TBC1D24: variants seen among roughly 807,000 people sequenced by gnomAD.
TBC1D24 encodes the protein TBC1 domain family member 24, also known as Infantile myoclonic epilepsy.
In TBC1D24, 47 loss-of-function variants were observed where a neutral mutation model predicts 50.7. That is an observed-to-expected ratio of 0.93 (90% confidence interval 0.73 to 1.18). TBC1D24 has a LOEUF of 1.18. TBC1D24 is among the 50% of genes most tolerant of loss of function. The pLI is 0.00. For synonymous variants in TBC1D24, 324 were observed against 335.2 expected (o/e 0.97, Z 0.36); for missense variants, 688 against 766.5 (o/e 0.90, Z 1.21).
Position 2,496,411 on chromosome 16 carries a change from G to T in TBC1D24, c.263G>T (p.Ser88Ile). 1 of 1,612,958 alleles carries T rather than the reference G, an allele frequency of 6.2e-7. No homozygotes were observed. ...VGKIVGKHSS[S>I]CLPLPEFVDN... ...AAGATCGTGGGCAAGCACAGCAGCA[G>T]CTGCCTGCCGCTGCCCGAGTTCGTG... Residue 88 changes from serine to isoleucine, a missense_variant, in exon 2 of 8, where the codon AGC becomes ATC. Coordinates refer to ENST00000646147, the MANE Select transcript of TBC1D24 (RefSeq NM_001199107.2).
In TBC1D24 at chr16:2,486,273, C is replaced by A. The variant is rs1023535348; in HGVS notation, c.-115-9761C>A. Among the ~76,000 whole-genome samples the A allele has an allele frequency of 6.6e-6, 1 of 152,210 alleles. No homozygotes were observed. Among genetic ancestry groups the A allele is most frequent in the East Asian group, 1.9e-4 (1 of 5,194 alleles). The stretch of plus-strand genomic sequence containing the variant: ...CCTTCCTGTGGTCCCTAGCTGCGGG[C>A]GTTGGCGTTCCCCACCCATGGGGCC... On this transcript the variant is annotated intron_variant, in intron 1 of 7. Coordinates refer to ENST00000646147, the MANE Select transcript of TBC1D24 (RefSeq NM_001199107.2). This position sits in a 1 kb window ranked among gnomAD's most constrained non-coding sequence, Gnocchi z 5.8.
chr16:2,490,876 G>A (rs1391235487), intron 1 of TBC1D24, among the ~76,000 whole-genome samples: 1 of 152,200 alleles, frequency 6.6e-6, no homozygotes, highest in East Asian at 1.9e-4. Flanking sequence ...CCTTTGTCAG[G>A]GGTTGGGGGA....
intron 1 of TBC1D24, among the ~76,000 whole-genome samples, chr16:2,489,529 C>T (rs1026051050): frequency 8.5e-5 from 13 of 152,168 alleles, no homozygotes; most frequent in African/African-American, 2.2e-4. Flanking sequence ...CTCAAACAGG[C>T]GTGGCGTTTA....
chr16:2,490,052 C>T (rs924613217), intron 1 of TBC1D24, among the ~76,000 whole-genome samples: 12 of 152,184 alleles, frequency 7.9e-5, no homozygotes, highest in Non-Finnish European at 1.5e-4. Flanking sequence ...TCAGCAATCC[C>T]GGCTGCTTCT....
intron 1 of TBC1D24, among the ~76,000 whole-genome samples, chr16:2,492,309 G>A (rs2065702047): frequency 2.0e-5 from 3 of 152,194 alleles, no homozygotes; most frequent in South Asian, 4.2e-4. Context: ...AGTCCAGCAC[G>A]TCGCCGGACC....
rs1009561900 is a variant in TBC1D24, at chr16:2,486,686, C to T, written c.-115-9348C>T. Among the ~76,000 whole-genome samples the T allele has an allele frequency of 1.3e-5, 2 of 152,222 alleles. No homozygotes were observed. Among genetic ancestry groups the T allele is most frequent in the African/African-American group, 4.8e-5 (2 of 41,456 alleles). ...TGGGAGTGCCTTCTGTGCTGTGGGC[C>T]TCATCCCCAGGGCTCTACCTCCAGC... On this transcript the variant is annotated intron_variant, in intron 1 of 7. Coordinates refer to ENST00000646147, the MANE Select transcript of TBC1D24 (RefSeq NM_001199107.2). This position sits in a 1 kb window ranked among gnomAD's most constrained non-coding sequence, Gnocchi z 5.8.
In TBC1D24 at chr16:2,483,323, T is replaced by A. The variant is rs961962047; in HGVS notation, c.-116+8153T>A. 1.3e-5 allele frequency: 2 copies of A among 152,200 alleles called. No homozygotes were observed. Among genetic ancestry groups the A allele is most frequent in the African/African-American group, 4.8e-5 (2 of 41,414 alleles). 9.4% of individuals were successfully genotyped at this position (152,200 alleles called of 1,614,324 possible). A position where few individuals can be genotyped will look rare whatever the true frequency, so the allele number is the denominator to read the frequency against. Reference sequence around the variant, plus strand: ...GACTTCTCCCTCTCCCCTCGGCCGTTCTCGTGCCTCGGGCTCACTTCCTCG... The same window carrying A: ...GACTTCTCCCTCTCCCCTCGGCCGTACTCGTGCCTCGGGCTCACTTCCTCG... On this transcript the variant is annotated intron_variant, in intron 1 of 7. Coordinates refer to ENST00000646147, the MANE Select transcript of TBC1D24 (RefSeq NM_001199107.2). This position sits in a 1 kb window ranked among gnomAD's most constrained non-coding sequence, Gnocchi z 4.0.
In TBC1D24 at chr16:2,496,572, C is replaced by G. The variant is rs1343180634; in HGVS notation, c.424C>G (p.Leu142Val). 3 of 1,609,032 alleles carry G rather than the reference C, an allele frequency of 1.9e-6. No individual in the cohort carries two copies. The highest frequency in any genetic ancestry group is 1.7e-5 in the Admixed American group (1 of 59,992). The change falls in exon 2 of 8, where the codon CTG becomes GTG. Residue 142 changes from leucine (L) to valine (V), a missense_variant. Coordinates refer to ENST00000646147, the MANE Select transcript of TBC1D24 (RefSeq NM_001199107.2). The stretch of plus-strand genomic sequence containing the variant: ...CCTGCCGGCCGTGGTGGCCCTGCTG[C>G]TGCACTACAGCATCGACGAGGCCGA... Reference protein sequence around the residue: ...PALPAVVALLLHYSIDEAECF... With the variant: ...PALPAVVALLVHYSIDEAECF...
At position 2,487,816 on chromosome 16, in the gene TBC1D24, G is replaced by A. The variant is rs548393115; in HGVS notation, c.-115-8218G>A. Among the ~76,000 whole-genome samples the A allele has an allele frequency of 3.9e-5, 6 of 152,260 alleles. No homozygotes were observed. The highest frequency in any genetic ancestry group is 2.1e-4 in the South Asian group (1 of 4,826). ...GAGGGCCCTGGTACTAGAAGTGGCCGAGTGCCCTGAAGTCCCAGACCTGCG... is the reference window on the plus strand; with the variant it reads ...GAGGGCCCTGGTACTAGAAGTGGCCAAGTGCCCTGAAGTCCCAGACCTGCG... On this transcript the variant is annotated intron_variant, in intron 1 of 7. Coordinates refer to ENST00000646147, the MANE Select transcript of TBC1D24 (RefSeq NM_001199107.2). This position sits in a 1 kb window ranked among gnomAD's most constrained non-coding sequence, Gnocchi z 4.1.
chr16:2,496,328 G>A lies in TBC1D24; in HGVS notation c.180G>A (p.Arg60=). The A allele has an allele frequency of 6.2e-7, 1 of 1,613,652 alleles. No homozygotes were observed. Among genetic ancestry groups the A allele is most frequent in the Non-Finnish European group, 8.5e-7 (1 of 1,180,042 alleles). Residue 60 remains arginine, a synonymous_variant, in exon 2 of 8, where the codon CGG becomes CGA. Coordinates refer to ENST00000646147, the MANE Select transcript of TBC1D24 (RefSeq NM_001199107.2). ...LRGKVYQRLI[R]DIPCRTVTPD... is the part of the protein sequence containing the mutation. ...GAAAGGTGTACCAGCGCCTGATCCG[G>A]GACATTCCCTGCCGCACGGTCACGC...
Position 2,503,884 on chromosome 16 carries a change from C to T in TBC1D24, c.*2926C>T, listed in dbSNP as rs898272411. ...CTATTTTTTAATTTTTTTGAATAGA[C>T]CACTTTGTGCTGAATAAATGTTTAA... On this transcript the variant is annotated 3_prime_UTR_variant, in exon 8 of 8. Coordinates refer to ENST00000646147, the MANE Select transcript of TBC1D24 (RefSeq NM_001199107.2). 1 of 151,972 alleles carries T rather than the reference C, an allele frequency of 6.6e-6. No homozygotes were observed. The highest frequency in any genetic ancestry group is 1.5e-5 in the Non-Finnish European group (1 of 68,004). The allele number at this position is 151,972 out of a possible 1,614,324, so 9.4% of individuals were successfully genotyped here. A position where few individuals can be genotyped will look rare whatever the true frequency, so the allele number is the denominator to read the frequency against.
chr16:2,491,586 A>C, intron 1 of TBC1D24, among the ~76,000 whole-genome samples: 1 of 134,784 alleles, frequency 7.4e-6, no homozygotes, highest in African/African-American at 2.8e-5. Context: ...ATGGAGTCTC[A>C]CTCTGTCGTC....
In TBC1D24 at chr16:2,499,558, A is replaced by G. The variant is rs1222989118; in HGVS notation, c.1206+138A>G. The stretch of plus-strand genomic sequence containing the variant: ...CCAGAGTCAGAGCGTGGGTATGGCC[A>G]GCACATGGGGCTCATCCCACACTCA... On this transcript the variant is annotated intron_variant, in intron 5 of 7. Coordinates refer to ENST00000646147, the MANE Select transcript of TBC1D24 (RefSeq NM_001199107.2). The surrounding 1 kb of genome is among the most constrained non-coding windows in gnomAD (Gnocchi z 4.0). 8 of 813,850 alleles carry G rather than the reference A, an allele frequency of 9.8e-6. No individual in the cohort carries two copies. Among genetic ancestry groups the G allele is most frequent in the Non-Finnish European group, 1.6e-5 (8 of 485,090 alleles). 50.4% of individuals were successfully genotyped at this position (813,850 alleles called of 1,614,324 possible). A position where few individuals can be genotyped will look rare whatever the true frequency, so the allele number is the denominator to read the frequency against.
At chr16:2,476,850 C>T (rs567060087) in intron 1 of TBC1D24, 3 of 152,380 alleles carry the variant, frequency 2.0e-5, no homozygotes, top group Admixed American at 1.3e-4. Flanking sequence ...TCTGTGAAGT[C>T]ACCTGTAGGG....
chr16:2,476,588 C>T (rs961264993), intron 1 of TBC1D24: 5 of 152,276 alleles, frequency 3.3e-5, no homozygotes, highest in Admixed American at 3.3e-4. Flanking sequence ...AGTGCTTGCT[C>T]TACTTAGAAG....
rs2065760963 is a variant in TBC1D24, at chr16:2,498,270, A to C, written c.1016A>C (p.Asn339Thr). 3.7e-6 allele frequency: 6 copies of C among 1,611,502 alleles called. No homozygotes were observed. The East Asian group carries it at 1.3e-4, about 36-fold the overall frequency. ...GTACACTTGGCCGTCCATGCAGAGA[A>C]CTTCCGCTCGGAGATCGTCAGCGTG... is the stretch of plus-strand genomic sequence containing the variant. ...QFVHLAVHAENFRSEIVSVRE... is the reference protein window; with the variant it reads ...QFVHLAVHAETFRSEIVSVRE... The change falls in exon 4 of 8, where the codon AAC (asparagine) becomes ACC (threonine). Residue 339 changes from asparagine (N) to threonine (T), a missense_variant. Transcript: ENST00000646147.
At position 2,486,011 on chromosome 16, in the gene TBC1D24, C is replaced by A. The variant is rs1206990110; in HGVS notation, c.-115-10023C>A. On this transcript the variant is annotated intron_variant, in intron 1 of 7. Transcript: ENST00000646147. This position sits in a 1 kb window ranked among gnomAD's most constrained non-coding sequence, Gnocchi z 5.8. The stretch of plus-strand genomic sequence containing the variant: ...CCCTGGATCTTGCGGATCTCGCGCC[C>A]GGGCTGGAATGCCTGTGCTGCCCTC... 1.3e-5 allele frequency among the ~76,000 whole-genome samples: 2 copies of A among 152,316 alleles called. No homozygotes were observed. Among genetic ancestry groups the A allele is most frequent in the East Asian group, 1.9e-4 (1 of 5,184 alleles).
Position 2,496,267 on chromosome 16 carries a change from G to C in TBC1D24, c.119G>C (p.Arg40Pro), listed in dbSNP as rs760474458. 3.7e-6 allele frequency: 6 copies of C among 1,613,772 alleles called. No individual in the cohort carries two copies. The highest frequency in any genetic ancestry group is 4.2e-6 in the Non-Finnish European group (5 of 1,180,032). ...TELQELKQLA[R>P]QGYWAQSHAL... Reference sequence around the variant, plus strand: ...CTGCAGGAACTGAAGCAGCTGGCGCGCCAGGGCTACTGGGCCCAAAGCCAC... The same window carrying C: ...CTGCAGGAACTGAAGCAGCTGGCGCCCCAGGGCTACTGGGCCCAAAGCCAC... The change falls in exon 2 of 8, where the codon CGC becomes CCC. Residue 40 changes from arginine (R) to proline (P), a missense_variant. Coordinates refer to ENST00000646147, the MANE Select transcript of TBC1D24 (RefSeq NM_001199107.2).
chr16:2,494,656 G>A (rs1480922352), intron 1 of TBC1D24, among the ~76,000 whole-genome samples: 1 of 151,946 alleles, frequency 6.6e-6, no homozygotes, highest in African/African-American at 2.4e-5. Flanking sequence ...CTCCCACCTT[G>A]GCCTCCTGAG....
Sources: gnomAD v4.1 joint callset for allele counts (sites outside exome capture counted in the v4.1 genomes callset) on GRCh38, gnomAD v4.1.1 for gene constraint, Gnocchi (gnomAD v3.1) non-coding constraint, MANE v1.5 for transcripts, NCBI Gene and HGNC (gene_info 2026-07-23, HGNC 2026-07-21) for gene names.